S100A9: variants seen among roughly 807,000 people sequenced by gnomAD.
S100A9 encodes the protein protein S100-A9.
In S100A9, 2 loss-of-function variants were observed where a neutral mutation model predicts 4.3. The ratio of observed to expected loss-of-function variants is 0.47; its 90% CI spans 0.19 to 1.48. The LOEUF (loss-of-function observed/expected upper bound fraction) is 1.48, where lower values mean the gene tolerates loss of function less well. Ranked by LOEUF, S100A9 falls within the 40% of genes most tolerant of loss-of-function variation. The pLI, the probability that S100A9 is intolerant of heterozygous loss-of-function variation, is 0.24. For synonymous variants in S100A9, 67 were observed against 54.0 expected, an observed-to-expected ratio of 1.24 and a Z score of -1.06; for missense variants, 130 against 144.4, an observed-to-expected ratio of 0.90 and a Z score of 0.51.
At position 153,358,711 on chromosome 1, in the gene S100A9, G is replaced by A. The variant is rs185069758; in HGVS notation, c.150+278G>A. ...GGGGAGCCCACTATTCCAGTGGAGG[G>A]AGACACACAGTAAAGTTGTTGGCCA... On this transcript the variant is annotated intron_variant, in intron 2 of 2. Coordinates refer to ENST00000368738, the MANE Select transcript of S100A9 (RefSeq NM_002965.4). Among the ~76,000 whole-genome samples, 491 of 152,310 alleles carry A rather than the reference G, an allele frequency of 3.2e-3. 6 individuals are homozygous for A. Among genetic ancestry groups the A allele is most frequent in the Middle Eastern group, 3.4e-3 (1 of 294 alleles).
chr1:153,360,707 A>G lies in S100A9; in HGVS notation c.214A>G (p.Lys72Glu), dbSNP rs756343657. 6.2e-7 allele frequency: 1 copy of G among 1,614,104 alleles called. No homozygotes were observed. The highest frequency in any genetic ancestry group is 1.3e-5 in the African/African-American group (1 of 75,056). The change falls in exon 3 of 3, where the codon AAG becomes GAG. Residue 72 changes from lysine to glutamate, a missense_variant. Transcript: ENST00000368738. ...GGAGGACCTGGACACAAATGCAGAC[A>G]AGCAGCTGAGCTTCGAGGAGTTCAT... ...IMEDLDTNAD[K>E]QLSFEEFIML...
Position 153,358,445 on chromosome 1 carries a change from C to T in S100A9, c.150+12C>T. 1.9e-6 allele frequency: 3 copies of T among 1,589,788 alleles called. No homozygotes were observed. The highest frequency in any genetic ancestry group is 1.7e-6 in the Non-Finnish European group (2 of 1,165,320). ...AAAATTTTCTCAAGGTAGGGCTGGACTCTGGCAGGTCTGACCCAGCCTCAC... is the reference window on the plus strand; with the variant it reads ...AAAATTTTCTCAAGGTAGGGCTGGATTCTGGCAGGTCTGACCCAGCCTCAC... On this transcript the variant is annotated intron_variant, in intron 2 of 2. Coordinates refer to ENST00000368738, the MANE Select transcript of S100A9 (RefSeq NM_002965.4).
chr1:153,360,951 C>T lies in S100A9; in HGVS notation c.*113C>T. 2.6e-6 allele frequency: 2 copies of T among 783,256 alleles called. No homozygotes were observed. The highest frequency in any genetic ancestry group is 1.9e-5 in the South Asian group (1 of 53,702). 48.5% of individuals were successfully genotyped at this position (783,256 alleles called of 1,614,324 possible). A position where few individuals can be genotyped will look rare whatever the true frequency, so the allele number is the denominator to read the frequency against. On this transcript the variant is annotated 3_prime_UTR_variant, in exon 3 of 3. Coordinates refer to ENST00000368738, the MANE Select transcript of S100A9 (RefSeq NM_002965.4). Reference sequence around the variant, plus strand: ...ACCCTGCCTCTACCCAACCAGGGCCCCGGGGCCTGTTATGTCAAACTGTCT... The same window carrying T: ...ACCCTGCCTCTACCCAACCAGGGCCTCGGGGCCTGTTATGTCAAACTGTCT...
chr1:153,358,558 G>A lies in S100A9; in HGVS notation c.150+125G>A, dbSNP rs555072735. ...AGCTCCTGGAGCCCAGCCCCAAGAC[G>A]CAGCGAGTGTCCTGTTATACAGGGC... is the stretch of plus-strand genomic sequence containing the variant. On this transcript the variant is annotated intron_variant, in intron 2 of 2. Coordinates refer to ENST00000368738, the MANE Select transcript of S100A9 (RefSeq NM_002965.4). 294 of 736,678 alleles carry A rather than the reference G, an allele frequency of 4.0e-4. 2 individuals are homozygous for A. The South Asian group carries it at 5.7e-3, about 14-fold the overall frequency. The allele number at this position is 736,678 out of a possible 1,614,324, so 45.6% of individuals were successfully genotyped here.
Position 153,358,364 on chromosome 1 carries a change from G to T in S100A9, c.81G>T (p.Gly27=), listed in dbSNP as rs768905615. 43 of 1,613,304 alleles carry T rather than the reference G, an allele frequency of 2.7e-5. No homozygotes were observed. The highest frequency in any genetic ancestry group is 3.6e-5 in the Non-Finnish European group (43 of 1,179,570). ...TCCACCAATACTCTGTGAAGCTGGG[G>T]CACCCAGACACCCTGAACCAGGGGG... ...NTFHQYSVKL[G]HPDTLNQGEF... is the part of the protein sequence containing the mutation. Residue 27 remains glycine (G), a synonymous_variant, in exon 2 of 3, where the codon GGG becomes GGT. Transcript: ENST00000368738.
chr1:153,359,680 C>CTTTTTTT (rs34039196), intron 2 of S100A9, among the ~76,000 whole-genome samples: 1 of 83,908 alleles, frequency 1.2e-5, no homozygotes. Flanking sequence ...GATGTCTCTC[C>CTTTTTTT]TTTTTTTTTT....
At chr1:153,359,344 G>A (rs994299904) in intron 2 of S100A9, among the ~76,000 whole-genome samples, 1 of 152,066 alleles carries the variant, frequency 6.6e-6, no homozygotes, top group Non-Finnish European at 1.5e-5. Flanking sequence ...GCTCTCCATA[G>A]GTGGAGGCCT....
At position 153,360,875 on chromosome 1, in the gene S100A9, G is replaced by A. The variant is rs184268568; in HGVS notation, c.*37G>A. On this transcript the variant is annotated 3_prime_UTR_variant, in exon 3 of 3. Coordinates refer to ENST00000368738, the MANE Select transcript of S100A9 (RefSeq NM_002965.4). ...CCAAGATCACAGTGGCCACGGCCACGGCCACAGTCATGGTGGCCACGGCCA... is the reference window on the plus strand; with the variant it reads ...CCAAGATCACAGTGGCCACGGCCACAGCCACAGTCATGGTGGCCACGGCCA... 4.8e-4 allele frequency: 710 copies of A among 1,475,234 alleles called. 4 individuals carry two copies. The highest frequency in any genetic ancestry group is 1.1e-3 in the Middle Eastern group (6 of 5,372). 91.4% of individuals were successfully genotyped at this position (1,475,234 alleles called of 1,614,324 possible). A position where few individuals can be genotyped will look rare whatever the true frequency, so the allele number is the denominator to read the frequency against.
rs1174060958 is a variant in S100A9 at position 153,360,911 on chromosome 1, T to TCAGGAGGC, written c.*78_*85dup. The stretch of plus-strand genomic sequence containing the variant: ...TGGTGGCCACGGCCACAGCCACTAA[T>TCAGGAGGC]CAGGAGGCCAGGCCACCCTGCCTCT... On this transcript the variant is annotated 3_prime_UTR_variant, in exon 3 of 3. Coordinates refer to ENST00000368738, the MANE Select transcript of S100A9 (RefSeq NM_002965.4). The TCAGGAGGC allele has an allele frequency of 8.0e-7, 1 of 1,254,044 alleles. No homozygotes were observed. The highest frequency in any genetic ancestry group is 2.6e-5 in the East Asian group (1 of 37,956). The allele number at this position is 1,254,044 out of a possible 1,614,324, so 77.7% of individuals were successfully genotyped here.
chr1:153,359,006 T>C (rs1009539128), intron 2 of S100A9, among the ~76,000 whole-genome samples: 1 of 151,982 alleles, frequency 6.6e-6, no homozygotes, highest in African/African-American at 2.4e-5. Context: ...CCTAAGGGTC[T>C]GCGGTGGAAA....
intron 2 of S100A9, among the ~76,000 whole-genome samples, chr1:153,359,342 T>C (rs1661402331): frequency 6.6e-6 from 1 of 151,528 alleles, no homozygotes; most frequent in East Asian, 2.0e-4. Context: ...CAGCTCTCCA[T>C]AGGTGGAGGC....
intron 2 of S100A9, 102 bp downstream of exon 2, chr1:153,358,535 C>A (rs1661389472): frequency 4.2e-6 from 4 of 947,048 alleles, no homozygotes; most frequent in Non-Finnish European, 6.2e-6. Context: ...AAGATTTGAG[C>A]TCCTGGAGCC....
chr1:153,358,021 T>A lies in S100A9; in HGVS notation c.-16+140T>A, dbSNP rs148019173. The A allele has an allele frequency of 2.0e-3, 578 of 282,948 alleles. 3 individuals are homozygous for A. Among genetic ancestry groups the A allele is most frequent in the African/African-American group, 0.012 (534 of 46,112 alleles). 17.5% of individuals were successfully genotyped at this position (282,948 alleles called of 1,614,324 possible). A position where few individuals can be genotyped will look rare whatever the true frequency, so the allele number is the denominator to read the frequency against. On this transcript the variant is annotated intron_variant, in intron 1 of 2. Coordinates refer to ENST00000368738, the MANE Select transcript of S100A9 (RefSeq NM_002965.4). ...GCCTACTTTAAAGCTTCTTTCACAT[T>A]TTCTTAGGTCATGTTCCCCTGGGGC...
At chr1:153,360,547 G>A (rs1212134913) in intron 2 of S100A9, 97 bp from the exon 3 acceptor site, 2 of 786,970 alleles carry the variant, frequency 2.5e-6, no homozygotes, top group Admixed American at 4.8e-5. Context: ...CCAGGGTGAG[G>A]CTTCCCTTGT....
intron 2 of S100A9, among the ~76,000 whole-genome samples, chr1:153,359,294 A>T (rs1300287808): frequency 6.6e-6 from 1 of 151,928 alleles, no homozygotes; most frequent in East Asian, 1.9e-4. Flanking sequence ...CGCCTTGGTA[A>T]GGTGGAGAAT....
rs1416656356 is a variant in S100A9, at chr1:153,358,381, A to G, written c.98A>G (p.Asn33Ser). Reference protein sequence around the residue: ...SVKLGHPDTLNQGEFKELVRK... With the variant: ...SVKLGHPDTLSQGEFKELVRK... ...AAGCTGGGGCACCCAGACACCCTGA[A>G]CCAGGGGGAATTCAAAGAGCTGGTG... is the stretch of plus-strand genomic sequence containing the variant. The change falls in exon 2 of 3, where the codon AAC becomes AGC. Residue 33 changes from asparagine (N) to serine (S), a missense_variant. By Grantham distance (46) the Asn-to-Ser change is conservative (BLOSUM62 1). Coordinates refer to ENST00000368738, the MANE Select transcript of S100A9 (RefSeq NM_002965.4). 9.9e-6 allele frequency: 16 copies of G among 1,613,256 alleles called. No individual in the cohort carries two copies. The highest frequency in any genetic ancestry group is 1.4e-5 in the Non-Finnish European group (16 of 1,179,464).
At chr1:153,359,749 C>T (rs1661414483) in intron 2 of S100A9, among the ~76,000 whole-genome samples, 1 of 146,730 alleles carries the variant, frequency 6.8e-6, no homozygotes, top group African/African-American at 2.5e-5. Flanking sequence ...AGTGCAACGG[C>T]ACAATCTCGG....
intron 1 of S100A9, among the ~76,000 whole-genome samples, 157 bp from the exon 2 acceptor site, chr1:153,358,110 ATG>A (rs1661379204): frequency 6.6e-6 from 1 of 152,164 alleles, no homozygotes. Context: ...CATTTTGTAC[ATG>A]TGTGTGACAG....
intron 1 of S100A9, 27 bp downstream of exon 1, chr1:153,357,908 C>G (rs1661375674): frequency 6.3e-6 from 1 of 158,606 alleles, no homozygotes. Context: ...CTTCCCCAGG[C>G]AGAAGCCTGC....
Sources: gnomAD v4.1 joint callset for allele counts (sites outside exome capture counted in the v4.1 genomes callset) on GRCh38, gnomAD v4.1.1 for gene constraint, MANE v1.5 for transcripts, NCBI Gene and HGNC (gene_info 2026-07-23, HGNC 2026-07-21) for gene names.